Variants in FRMD4B observed in about 807,000 individuals in gnomAD.
FRMD4B encodes the protein FERM domain-containing protein 4B.
FRMD4B carries 74 observed loss-of-function variants against 141.5 expected under a neutral mutation model. The observed-to-expected ratio is 0.52, with a 90% CI of 0.43 to 0.63. The LOEUF (loss-of-function observed/expected upper bound fraction) is 0.63. FRMD4B is among the 30% of genes least tolerant of loss of function. FRMD4B has a pLI of 0.00. For synonymous variants in FRMD4B, 506 were observed against 467.9 expected (o/e 1.08, Z -1.05); for missense variants, 1,366 against 1,253.4 (o/e 1.09, Z -1.36).
chr3:69,386,045 C>A lies in FRMD4B; in HGVS notation c.-56G>T. On this transcript the variant is annotated 5_prime_UTR_variant, in exon 1 of 23. Transcript: ENST00000398540. ...CCGGCTCTCGTACGTGCAGCCCCGACCCCAGCGGCCTGCCCGCCTGGGCTC... is the reference window on the plus strand; with the variant it reads ...CCGGCTCTCGTACGTGCAGCCCCGAACCCAGCGGCCTGCCCGCCTGGGCTC... The A allele has an allele frequency of 7.3e-7, 1 of 1,378,370 alleles. No individual in the cohort carries two copies. The highest frequency in any genetic ancestry group is 9.5e-7 in the Non-Finnish European group (1 of 1,048,666). The allele number at this position is 1,378,370 out of a possible 1,614,324, so 85.4% of individuals were successfully genotyped here.
At chr3:69,197,108 G>A (rs1325512827) in intron 12 of FRMD4B, 70 bp from the exon 13 acceptor site, 2 of 1,325,926 alleles carry the variant, frequency 1.5e-6, no homozygotes, top group Non-Finnish European at 2.1e-6. Flanking sequence ...TACCCTGCGA[G>A]CAGCATTGTA....
chr3:69,333,872 T>A (rs1702458618), intron 1 of FRMD4B: 1 of 152,212 alleles, frequency 6.6e-6, no homozygotes, highest in African/African-American at 2.4e-5. Context: ...AGGTGTCAGA[T>A]AACCAAAACT....
At chr3:69,504,148 A>T (rs1203872921) in intron 1 of FRMD4B, among the ~76,000 whole-genome samples, 1 of 152,184 alleles carries the variant, frequency 6.6e-6, no homozygotes, top group African/African-American at 2.4e-5. Context: ...GCATAATTGG[A>T]TCATACTGTA....
intron 1 of FRMD4B, among the ~76,000 whole-genome samples, chr3:69,316,841 G>C (rs17005615): frequency 0.36 from 54,311 of 152,106 alleles, 10,216 homozygotes; most frequent in East Asian, 0.59. Flanking sequence ...AAAAAATCAG[G>C]CTGGGTGTGT....
chr3:69,296,811 G>A (rs573813581), intron 4 of FRMD4B, among the ~76,000 whole-genome samples: 5 of 151,950 alleles, frequency 3.3e-5, no homozygotes, highest in East Asian at 3.9e-4. Context: ...TCCTCTTATC[G>A]CTTTTCACAA....
intron 7 of FRMD4B, among the ~76,000 whole-genome samples, chr3:69,233,719 A>G (rs2093326863): frequency 6.6e-6 from 1 of 152,190 alleles, no homozygotes; most frequent in South Asian, 2.1e-4. Flanking sequence ...GGATTTGGGC[A>G]AGTCATCACA....
rs115660629 is a variant in FRMD4B, at chr3:69,292,401, G to A, written c.417-4565C>T. On this transcript the variant is annotated intron_variant, in intron 4 of 22. Coordinates refer to ENST00000398540, the MANE Select transcript of FRMD4B (RefSeq NM_015123.3). ...TGAGCCCTGAAGAAACCGCATACAG[G>A]TTGCTGGGTAGCTTGGCACCAAATC... Among the ~76,000 whole-genome samples the A allele has an allele frequency of 8.9e-3, 1,349 of 152,300 alleles. 8 individuals are homozygous for A. Among genetic ancestry groups the A allele is most frequent in the Non-Finnish European group, 0.014 (981 of 68,024 alleles).
intron 1 of FRMD4B, among the ~76,000 whole-genome samples, chr3:69,327,685 A>G (rs1349566318): frequency 6.6e-6 from 1 of 152,252 alleles, no homozygotes; most frequent in African/African-American, 2.4e-5. Context: ...TATTAGGTCC[A>G]GAGTCCTAGC....
intron 1 of FRMD4B, among the ~76,000 whole-genome samples, chr3:69,372,952 T>G (rs1703869986): frequency 6.6e-6 from 1 of 152,172 alleles, no homozygotes; most frequent in Admixed American, 6.5e-5. Flanking sequence ...AAGCTGGGAT[T>G]TGAACTCAGG....
intron 4 of FRMD4B, among the ~76,000 whole-genome samples, chr3:69,301,723 C>T (rs4855384): frequency 0.49 from 73,909 of 152,070 alleles, 18,349 homozygotes; most frequent in Admixed American, 0.53. Flanking sequence ...ACTGATTTAG[C>T]TGAATGCATC....
At chr3:69,512,954 A>T (rs1398991225) in intron 1 of FRMD4B, among the ~76,000 whole-genome samples, 1 of 152,218 alleles carries the variant, frequency 6.6e-6, no homozygotes, top group East Asian at 1.9e-4. Flanking sequence ...TGCATATATT[A>T]AAAAAGAAGA....
At chr3:69,490,173 A>C (rs1706279687) in intron 1 of FRMD4B, among the ~76,000 whole-genome samples, 1 of 152,206 alleles carries the variant, frequency 6.6e-6, no homozygotes, top group African/African-American at 2.4e-5. Context: ...ATATGATTAC[A>C]CTAAAAGCCA....
rs1295420847 is a variant in FRMD4B, at chr3:69,287,848, C to G, written c.417-12G>C. 2 of 1,358,656 alleles carry G rather than the reference C, an allele frequency of 1.5e-6. No homozygotes were observed. The highest frequency in any genetic ancestry group is 2.9e-5 in the African/African-American group (2 of 69,458). The allele number at this position is 1,358,656 out of a possible 1,614,324, so 84.2% of individuals were successfully genotyped here. ...TCTCAATGTAAAACCTGAAAAACAG[C>G]AGAGGAGTTTGTTCCTTCAGATTTA... is the stretch of plus-strand genomic sequence containing the variant. On this transcript the variant is annotated splice_polypyrimidine_tract_variant and intron_variant, in intron 4 of 22. Transcript: ENST00000398540.
rs191483854 is a variant in FRMD4B at position 69,355,666 on chromosome 3, G to T, written c.162+30162C>A. On this transcript the variant is annotated intron_variant, in intron 1 of 22. Coordinates refer to ENST00000398540, the MANE Select transcript of FRMD4B (RefSeq NM_015123.3). The stretch of plus-strand genomic sequence containing the variant: ...GATGAAGGTTGACAGACCAAATTAG[G>T]GGGGAGGCTGGGTAAGCTCAGGTTA... 4.2e-3 allele frequency among the ~76,000 whole-genome samples: 632 copies of T among 152,244 alleles called. 3 individuals are homozygous for T. The highest frequency in any genetic ancestry group is 0.014 in the African/African-American group (563 of 41,542).
chr3:69,464,797 C>T (rs111394335), intron 1 of FRMD4B, among the ~76,000 whole-genome samples: 236 of 152,280 alleles, frequency 1.5e-3, no homozygotes, highest in Non-Finnish European at 2.7e-3. Flanking sequence ...ACAACTATCT[C>T]GATCCAACTA....
rs1453440787 is a variant in FRMD4B at position 69,169,421 on chromosome 3, G to A, written c.*2440C>T. 7.0e-6 allele frequency among the ~76,000 whole-genome samples: 1 copy of A among 142,602 alleles called. No individual in the cohort carries two copies. Among genetic ancestry groups the A allele is most frequent in the Non-Finnish European group, 1.5e-5 (1 of 66,676 alleles). 93.6% of individuals were successfully genotyped at this position (142,602 alleles called of 152,430 possible). ...TGCCTAGGCTGGAATGCAGTGGCAC[G>A]ATCCTGGCTCACTGCAACCTCCGCC... On this transcript the variant is annotated 3_prime_UTR_variant, in exon 23 of 23. Coordinates refer to ENST00000398540, the MANE Select transcript of FRMD4B (RefSeq NM_015123.3).
At chr3:69,225,352 A>G (rs1479681190) in intron 7 of FRMD4B, among the ~76,000 whole-genome samples, 1 of 151,998 alleles carries the variant, frequency 6.6e-6, no homozygotes, top group African/African-American at 2.4e-5. Context: ...AGTTGTCAAG[A>G]GAAAGTTGTG....
intron 1 of FRMD4B, among the ~76,000 whole-genome samples, chr3:69,527,130 GAC>G (rs1700941684): frequency 6.6e-6 from 1 of 152,040 alleles, no homozygotes; most frequent in Non-Finnish European, 1.5e-5. Flanking sequence ...ATTCAGCTGT[GAC>G]ACACACTTTT....
At chr3:69,401,017 C>CA (rs1419787406) in intron 2 of FRMD4B, among the ~76,000 whole-genome samples, 1 of 152,092 alleles carries the variant, frequency 6.6e-6, no homozygotes, top group Non-Finnish European at 1.5e-5. Context: ...ATTTTGAATG[C>CA]CCTTTTCCAT....
Sources: allele counts gnomAD v4.1 joint callset (sites outside exome capture counted in the v4.1 genomes callset), GRCh38; gene constraint gnomAD v4.1.1; transcripts MANE v1.5; gene names NCBI Gene and HGNC (gene_info 2026-07-23, HGNC 2026-07-21).